MED1: variants seen among roughly 807,000 people sequenced by gnomAD.
MED1 encodes mediator of RNA polymerase II transcription subunit 1.
In MED1, 17 loss-of-function variants were observed where a neutral mutation model predicts 121.3. That is an observed-to-expected ratio of 0.14 (90% CI 0.10 to 0.21). MED1 has a LOEUF of 0.21. MED1 is among the 10% of genes least tolerant of loss of function. MED1 has a pLI of 1.00. For synonymous variants in MED1, 661 were observed against 694.4 expected (o/e 0.95, Z 0.76); for missense variants, 1,558 against 1,919.4 (o/e 0.81, Z 3.52).
chr17:39,418,404 A>G (rs1198443209), intron 14 of MED1, among the ~76,000 whole-genome samples: 1 of 151,926 alleles, frequency 6.6e-6, no homozygotes, highest in African/African-American at 2.4e-5. Flanking sequence ...TTGGTGGTAC[A>G]TGCCTATAGC....
At chr17:39,448,930 G>A (rs1030448315) in intron 1 of MED1, among the ~76,000 whole-genome samples, 1 of 151,858 alleles carries the variant, frequency 6.6e-6, no homozygotes, top group Non-Finnish European at 1.5e-5. Flanking sequence ...ATAAATAAAT[G>A]AAAATGCTAA....
At position 39,431,924 on chromosome 17, in the gene MED1, AG is replaced by A. The variant is rs773543266; in HGVS notation, c.575+17del. On this transcript the variant is annotated intron_variant, in intron 8 of 16. Transcript: ENST00000300651. ...AAACTCAAGGGATCATGTAGAATTA[AG>A]GTTTTAGCAGTCTTACCAGTACATA... 63 of 1,546,148 alleles carry A rather than the reference AG, an allele frequency of 4.1e-5. No homozygotes were observed. Among genetic ancestry groups the A allele is most frequent in the Non-Finnish European group, 5.6e-5 (63 of 1,118,978 alleles).
At position 39,424,679 on chromosome 17, in the gene MED1, T is replaced by C. The variant is rs757020378; in HGVS notation, c.799A>G (p.Lys267Glu). The C allele has an allele frequency of 5.0e-6, 8 of 1,611,000 alleles. No individual in the cohort carries two copies. Among genetic ancestry groups the C allele is most frequent in the Non-Finnish European group, 5.9e-6 (7 of 1,178,682 alleles). The change falls in exon 11 of 17, where the codon AAA becomes GAA. Residue 267 changes from lysine (K) to glutamate (E), a missense_variant. Transcript: ENST00000300651. ...ATAATTAATGGTGCAATTGGGAGTTTGTACACAGCAGATGTTCCTTCAATT... is the reference window on the plus strand; with the variant it reads ...ATAATTAATGGTGCAATTGGGAGTTCGTACACAGCAGATGTTCCTTCAATT... ...VTIEGTSAVY[K>E]LPIAPLIMGS... is the part of the protein sequence containing the mutation.
intron 13 of MED1, 52 bp downstream of exon 13, chr17:39,423,275 C>A (rs1474796705): frequency 7.6e-7 from 1 of 1,313,752 alleles, no homozygotes; most frequent in Admixed American, 1.7e-5. Context: ...AGATTATGAT[C>A]TTGGGTCCAA....
chr17:39,447,401 A>AT (rs2048738880), intron 2 of MED1, among the ~76,000 whole-genome samples: 1 of 151,692 alleles, frequency 6.6e-6, no homozygotes, highest in Non-Finnish European at 1.5e-5. Context: ...CAATAAAAAA[A>AT]AAAAACAAAA....
chr17:39,421,405 C>G (rs2048463511), intron 13 of MED1, among the ~76,000 whole-genome samples: 1 of 150,998 alleles, frequency 6.6e-6, no homozygotes, highest in African/African-American at 2.4e-5. Context: ...CAAAAATTAT[C>G]TGGGCATGGT....
At chr17:39,432,784 G>A (rs2048578089) in intron 7 of MED1, among the ~76,000 whole-genome samples, 3 of 151,850 alleles carry the variant, frequency 2.0e-5, no homozygotes, top group Admixed American at 1.3e-4. Flanking sequence ...AAAAAAACTG[G>A]CCAGGCGCGG....
rs1209231441 is a variant in MED1, at chr17:39,405,435, G to C, written c.*2040C>G. 4.4e-6 allele frequency: 6 copies of C among 1,377,400 alleles called. No homozygotes were observed. The East Asian group carries it at 1.4e-4, about 31-fold the overall frequency. 85.3% of individuals were successfully genotyped at this position (1,377,400 alleles called of 1,614,324 possible). A position where few individuals can be genotyped will look rare whatever the true frequency, so the allele number is the denominator to read the frequency against. ...TTCCCCCTAAGATTCTCCCCACTCA[G>C]AACAAATTTTAAAAACCACATAAAT... On this transcript the variant is annotated 3_prime_UTR_variant, in exon 17 of 17. Transcript: ENST00000300651.
Position 39,407,032 on chromosome 17 carries a change from C to G in MED1, c.*443G>C. The G allele has an allele frequency of 7.1e-6, 7 of 987,708 alleles. No homozygotes were observed. The highest frequency in any genetic ancestry group is 8.4e-6 in the Non-Finnish European group (7 of 831,206). The allele number at this position is 987,708 out of a possible 1,614,324, so 61.2% of individuals were successfully genotyped here. The stretch of plus-strand genomic sequence containing the variant: ...ACCTCAAACAAAGTTGAACAACCTT[C>G]ATGCAAATGCATCAAGGAATGTATT... On this transcript the variant is annotated 3_prime_UTR_variant, in exon 17 of 17. Transcript: ENST00000300651.
At chr17:39,450,775 TG>T (rs2048774915) in intron 1 of MED1, among the ~76,000 whole-genome samples, 1 of 152,196 alleles carries the variant, frequency 6.6e-6, no homozygotes, top group Non-Finnish European at 1.5e-5. Flanking sequence ...TGTATTCATT[TG>T]CCCCGTCTCC....
rs1381084481 is a variant in MED1 at position 39,415,279 on chromosome 17, G to A, written c.1358C>T (p.Ser453Phe). The A allele has an allele frequency of 6.2e-7, 1 of 1,613,856 alleles. No homozygotes were observed. Among genetic ancestry groups the A allele is most frequent in the Non-Finnish European group, 8.5e-7 (1 of 1,179,884 alleles). ...GGAGTCATTCACAGGGTGCTGAAAA[G>A]ATACGCTGAAACGAGACTCTGAGAG... The part of the protein sequence containing the change: ...CPLSESRFSV[S>F]FQHPVNDSLV... Residue 453 changes from serine to phenylalanine, a missense_variant, in exon 15 of 17, where the codon TCT (serine) becomes TTT (phenylalanine). Physicochemically the swap from Ser to Phe is radical, Grantham distance 155. This residue lies in a region of MED1 where 50 missense variants were observed against 134.5 expected (regional missense o/e 0.37). Transcript: ENST00000300651.
At chr17:39,430,062 A>C (rs950425988) in intron 9 of MED1, among the ~76,000 whole-genome samples, 10 of 152,030 alleles carry the variant, frequency 6.6e-5, no homozygotes, top group Non-Finnish European at 1.3e-4. Context: ...CAGCCTGGGC[A>C]ACACAGCAAG....
At chr17:39,414,849 T>C (rs1268998900) in intron 16 of MED1, among the ~76,000 whole-genome samples, 177 bp downstream of exon 16, 1 of 151,552 alleles carries the variant, frequency 6.6e-6, no homozygotes, top group African/African-American at 2.4e-5. Context: ...TTTGTATTTT[T>C]AGTAGAGATG....
chr17:39,407,060 T>C lies in MED1; in HGVS notation c.*415A>G, dbSNP rs1567916526. ...GCAAATGCATCAAGGAATGTATTGC[T>C]TTTTCATTTTCTGCCCAGCCCTTCA... On this transcript the variant is annotated 3_prime_UTR_variant, in exon 17 of 17. Coordinates refer to ENST00000300651, the MANE Select transcript of MED1 (RefSeq NM_004774.4). 5.1e-6 allele frequency: 5 copies of C among 990,004 alleles called. No individual in the cohort carries two copies. Among genetic ancestry groups the C allele is most frequent in the Non-Finnish European group, 6.0e-6 (5 of 832,784 alleles). 61.3% of individuals were successfully genotyped at this position (990,004 alleles called of 1,614,324 possible).
At chr17:39,446,655 T>G (rs1202834187) in intron 2 of MED1, among the ~76,000 whole-genome samples, 2 of 150,778 alleles carry the variant, frequency 1.3e-5, no homozygotes, top group African/African-American at 2.4e-5. Context: ...GTGCCTGTAG[T>G]CCCGGCTACT....
chr17:39,434,884 G>A (rs1597868855), intron 6 of MED1, among the ~76,000 whole-genome samples: 1 of 152,190 alleles, frequency 6.6e-6, no homozygotes, highest in East Asian at 1.9e-4. Flanking sequence ...AAATTAGGAA[G>A]GGCCAGGCAC....
At chr17:39,444,595 T>C (rs1010780343) in intron 2 of MED1, among the ~76,000 whole-genome samples, 5 of 144,210 alleles carry the variant, frequency 3.5e-5, no homozygotes, top group Non-Finnish European at 6.1e-5. Flanking sequence ...TTGAGGCCGG[T>C]TGCAGTGGCT....
rs1196377605 is a variant in MED1, at chr17:39,434,291, T to C, written c.458A>G (p.His153Arg). The C allele has an allele frequency of 6.4e-7, 1 of 1,568,002 alleles. No homozygotes were observed. The highest frequency in any genetic ancestry group is 2.0e-5 in the Admixed American group (1 of 49,530). ...ATACAGATTAACAAGGCCCTTAAGG[T>C]GCTTAGAAAATTCATCAAAATTTTT... ...REKNFDEFSK[H>R]LKGLVNLYNL... The change falls in exon 7 of 17, where the codon CAC (histidine) becomes CGC (arginine). Residue 153 changes from histidine (H) to arginine (R), a missense_variant. Transcript: ENST00000300651.
chr17:39,421,485 G>A (rs2048464522), intron 13 of MED1, among the ~76,000 whole-genome samples: 1 of 152,004 alleles, frequency 6.6e-6, no homozygotes, highest in African/African-American at 2.4e-5. Flanking sequence ...GGGAGGCGGA[G>A]GTTGCAGTGA....
Sources: allele counts gnomAD v4.1 joint callset (sites outside exome capture counted in the v4.1 genomes callset), GRCh38; gene constraint gnomAD v4.1.1; regional missense constraint gnomAD v4.1.1; transcripts MANE v1.5; gene names NCBI Gene and HGNC (gene_info 2026-07-23, HGNC 2026-07-21).